The following NFIB variants were observed in gnomAD, a reference collection of about 807,000 sequenced individuals.
NFIB encodes nuclear factor 1 B-type.
NFIB carries 11 observed loss-of-function variants against 61.5 expected under a neutral mutation model. That is an observed-to-expected ratio of 0.18 (90% confidence interval 0.11 to 0.30). The LOEUF (loss-of-function observed/expected upper bound fraction) is 0.30, where lower values mean the gene tolerates loss of function less well. Among genes scored for constraint, NFIB ranks in the 10% least tolerant of loss-of-function variants. The pLI is 1.00. For synonymous variants in NFIB, 260 were observed against 216.5 expected, an observed-to-expected ratio of 1.20 and a Z score of -1.76; for missense variants, 471 against 608.9, an observed-to-expected ratio of 0.77 and a Z score of 2.38.
the NFIB span, among the ~76,000 whole-genome samples, chr9:14,418,372 G>A: frequency 6.6e-6 from 1 of 152,104 alleles, no homozygotes; most frequent in African/African-American, 2.4e-5. Context: ...TTTCCCCAGG[G>A]AAGTTACATA....
chr9:14,342,111 C>G (rs1383606585), intron 1 of NFIB, among the ~76,000 whole-genome samples: 1 of 152,164 alleles, frequency 6.6e-6, no homozygotes, highest in Non-Finnish European at 1.5e-5. Context: ...TCCCCGAGAG[C>G]AAAAGCTCTC....
chr9:14,412,132 G>A, the NFIB span, among the ~76,000 whole-genome samples: 1 of 152,186 alleles, frequency 6.6e-6, no homozygotes, highest in East Asian at 1.9e-4. Context: ...GAATCTGTAT[G>A]AGACAAGAGA....
intron 6 of NFIB, among the ~76,000 whole-genome samples, chr9:14,134,907 A>G (rs1352663108): frequency 7.9e-6 from 1 of 125,864 alleles, no homozygotes; most frequent in South Asian, 2.3e-4. Context: ...CAAAAAAAAA[A>G]AAAAAAAAAA....
upstream of NFIB, among the ~76,000 whole-genome samples, chr9:14,399,909 C>T (rs117040266): frequency 0.03 from 4,626 of 152,028 alleles, 99 homozygotes; most frequent in Middle Eastern, 0.079. Context: ...CACTCTTGTC[C>T]CTGGCCATCT....
At chr9:14,244,634 T>C (rs115734775) in intron 2 of NFIB, among the ~76,000 whole-genome samples, 53 of 152,300 alleles carry the variant, frequency 3.5e-4, no homozygotes, top group African/African-American at 1.2e-3. Flanking sequence ...CCAGTTCCAA[T>C]ACTTATTAGC....
At chr9:14,097,875 C>CTTT (rs71321962) in intron 10 of NFIB, among the ~76,000 whole-genome samples, 7 of 110,832 alleles carry the variant, frequency 6.3e-5, no homozygotes, top group East Asian at 5.5e-4. Context: ...TTTCTTTTTT[C>CTTT]TTTTTTTTTT....
chr9:14,309,804 C>A (rs1208509203), intron 1 of NFIB, among the ~76,000 whole-genome samples: 2 of 152,184 alleles, frequency 1.3e-5, no homozygotes, highest in African/African-American at 4.8e-5. Flanking sequence ...TTCCTATAAT[C>A]TTTTACTACG....
chr9:14,254,464 G>C (rs1353163790), intron 2 of NFIB, among the ~76,000 whole-genome samples: 1 of 152,106 alleles, frequency 6.6e-6, no homozygotes, highest in Non-Finnish European at 1.5e-5. Context: ...GTTACTTACT[G>C]ATCTTATCCC....
intron 3 of NFIB, among the ~76,000 whole-genome samples, chr9:14,158,792 C>T (rs1379612732): frequency 6.6e-6 from 1 of 152,104 alleles, no homozygotes; most frequent in Non-Finnish European, 1.5e-5. Flanking sequence ...TGATTAGGGT[C>T]GGATTGTATC....
chr9:14,464,115 A>C, the NFIB span, among the ~76,000 whole-genome samples: 23 of 152,196 alleles, frequency 1.5e-4, no homozygotes, highest in Non-Finnish European at 2.9e-4. Flanking sequence ...TGACTGAACC[A>C]AATCTGGTAG....
intron 3 of NFIB, among the ~76,000 whole-genome samples, chr9:14,165,583 A>G (rs1051501957): frequency 6.6e-6 from 1 of 152,218 alleles, no homozygotes; most frequent in African/African-American, 2.4e-5. Context: ...TTACCTAATA[A>G]TAAATCTAAG....
chr9:14,515,236 C>A, the NFIB span, among the ~76,000 whole-genome samples: 1 of 151,870 alleles, frequency 6.6e-6, no homozygotes, highest in African/African-American at 2.4e-5. Flanking sequence ...GGGAAGACCC[C>A]GTGGGCAGGG....
At chr9:14,441,393 G>A in the NFIB span, among the ~76,000 whole-genome samples, 1 of 152,090 alleles carries the variant, frequency 6.6e-6, no homozygotes, top group South Asian at 2.1e-4. Context: ...ATTCAGGATG[G>A]AGATTTCGTT....
At chr9:14,503,672 T>G in the NFIB span, among the ~76,000 whole-genome samples, 1 of 152,200 alleles carries the variant, frequency 6.6e-6, no homozygotes, top group Non-Finnish European at 1.5e-5. Flanking sequence ...TTGTTGGGAC[T>G]GTTTTTTTAC....
chr9:14,350,134 C>G (rs1048551275), intron 1 of NFIB, among the ~76,000 whole-genome samples: 4 of 152,156 alleles, frequency 2.6e-5, no homozygotes, highest in Admixed American at 2.6e-4. Flanking sequence ...CAGCGCTCAG[C>G]CTCGGTGCCT....
Position 14,229,050 on chromosome 9 carries a change from G to C in NFIB, c.563-49270C>G, listed in dbSNP as rs10961435. ...AGGGAAAAAAAAAAAAACAGTAGTA[G>C]AGAAATTCACTTAAACTAAGTATGA... On this transcript the variant is annotated intron_variant, in intron 2 of 10. Transcript: ENST00000380953. Among the ~76,000 whole-genome samples the C allele has an allele frequency of 0.03, 4,530 of 150,098 alleles. 658 individuals carry two copies. The East Asian group carries it at 0.45, about 15-fold the overall frequency.
At chr9:14,328,838 C>T (rs2060786236) in intron 1 of NFIB, among the ~76,000 whole-genome samples, 1 of 152,170 alleles carries the variant, frequency 6.6e-6, no homozygotes, top group South Asian at 2.1e-4. Context: ...AGAAACAAAA[C>T]TGGAACCAAC....
intron 10 of NFIB, among the ~76,000 whole-genome samples, chr9:14,098,903 T>G (rs2035296378): frequency 6.6e-6 from 1 of 152,236 alleles, no homozygotes; most frequent in African/African-American, 2.4e-5. Flanking sequence ...CTGTGAAAAC[T>G]TTCCCAAAGA....
intron 2 of NFIB, among the ~76,000 whole-genome samples, chr9:14,262,318 G>A (rs1709114489): frequency 6.6e-6 from 1 of 152,104 alleles, no homozygotes; most frequent in South Asian, 2.1e-4. Flanking sequence ...CTCTACCTAC[G>A]CAATTAGTTT....
Sources: allele counts gnomAD v4.1 joint callset (sites outside exome capture counted in the v4.1 genomes callset), GRCh38; gene constraint gnomAD v4.1.1; transcripts MANE v1.5; gene names NCBI Gene and HGNC (gene_info 2026-07-23, HGNC 2026-07-21).